Variants in RMND5B observed in about 807,000 individuals in gnomAD.
RMND5B encodes E3 ubiquitin-protein transferase RMND5B.
RMND5B carries 42 observed loss-of-function variants against 50.4 expected under a neutral mutation model. The ratio of observed to expected loss-of-function variants is 0.83; its 90% CI spans 0.65 to 1.08. The LOEUF (loss-of-function observed/expected upper bound fraction) is 1.08. Ranked by LOEUF, RMND5B falls within the 50% of genes least tolerant of loss-of-function variation. The probability of loss-of-function intolerance (pLI) is 0.00; values close to 1 mark genes in which losing one functional copy is unlikely to be tolerated. For missense variants in RMND5B, 463 were observed against 508.5 expected (o/e 0.91, Z 0.86); for synonymous variants, 220 against 210.0 (o/e 1.05, Z -0.41).
chr5:178,147,424 C>T, intron 8 of RMND5B, 109 bp from the exon 9 acceptor site: 1 of 763,908 alleles, frequency 1.3e-6, no homozygotes, highest in South Asian at 1.7e-5. Context: ...TTTGACCGTG[C>T]ACCATTTTAG....
chr5:178,145,355 G>A (rs752859427), intron 7 of RMND5B, among the ~76,000 whole-genome samples: 10 of 151,358 alleles, frequency 6.6e-5, no homozygotes, highest in Non-Finnish European at 1.5e-4. Context: ...GCGTGGTGGC[G>A]GGCACCTGTA....
chr5:178,136,563 G>A (rs1350401903), intron 2 of RMND5B, among the ~76,000 whole-genome samples: 1 of 152,150 alleles, frequency 6.6e-6, no homozygotes. Context: ...CTTGTTGCCT[G>A]TCAGGTTGGG....
Position 178,138,319 on chromosome 5 carries a change from A to G in RMND5B, c.139+61A>G. Reference sequence around the variant, plus strand: ...CTCCCTGAGGACATGGGAGACCCGAAGCTACTGAGTGACAGGGTTCCGGAA... The same window carrying G: ...CTCCCTGAGGACATGGGAGACCCGAGGCTACTGAGTGACAGGGTTCCGGAA... On this transcript the variant is annotated intron_variant, in intron 3 of 10. Transcript: ENST00000313386. This position sits in a 1 kb window ranked among gnomAD's most constrained non-coding sequence, Gnocchi z 5.1. 6.3e-7 allele frequency: 1 copy of G among 1,585,434 alleles called. No individual in the cohort carries two copies. Among genetic ancestry groups the G allele is most frequent in the Non-Finnish European group, 8.6e-7 (1 of 1,165,546 alleles).
chr5:178,139,231 G>A (rs1395940670), intron 3 of RMND5B, among the ~76,000 whole-genome samples: 1 of 149,622 alleles, frequency 6.7e-6, no homozygotes, highest in African/African-American at 2.5e-5. Context: ...TTTTGAGATG[G>A]AGTCTTACTG....
chr5:178,146,239 TC>T lies in RMND5B; in HGVS notation c.823del (p.Leu275CysfsTer24), dbSNP rs1231235204. 1.9e-6 allele frequency: 3 copies of T among 1,614,078 alleles called. No homozygotes were observed. The highest frequency in any genetic ancestry group is 2.5e-6 in the Non-Finnish European group (3 of 1,180,022). Reference protein sequence around the residue: ...ICETFTRDACSLLGLSVESPL... With the variant: ...ICETFTRDACXLLGLSVESPL... ...TGAGACCTTTACCCGGGACGCCTGT[TC>T]CCTGCTGGGGCTTTCTGTGGAGTCC... On this transcript the variant is annotated frameshift_variant, in exon 8 of 11. Transcript: ENST00000313386. LOFTEE classifies it high-confidence loss of function.
Position 178,148,440 on chromosome 5 carries a change from G to A in RMND5B, c.*408G>A, listed in dbSNP as rs1256047296. The stretch of plus-strand genomic sequence containing the variant: ...GCCCCTCGGCCCAAGAGTGTCCAGC[G>A]GTGGCCCACCTCTTCCTCCCACTAC... On this transcript the variant is annotated 3_prime_UTR_variant, in exon 11 of 11. Transcript: ENST00000313386. The A allele has an allele frequency of 5.2e-5, 14 of 269,098 alleles. No homozygotes were observed. Among genetic ancestry groups the A allele is most frequent in the African/African-American group, 1.8e-4 (8 of 45,390 alleles). 16.7% of individuals were successfully genotyped at this position (269,098 alleles called of 1,614,324 possible). A position where few individuals can be genotyped will look rare whatever the true frequency, so the allele number is the denominator to read the frequency against.
intron 7 of RMND5B, among the ~76,000 whole-genome samples, chr5:178,144,833 T>G (rs927987850): frequency 6.6e-6 from 1 of 151,826 alleles, no homozygotes; most frequent in Non-Finnish European, 1.5e-5. Flanking sequence ...CTTGGCAACA[T>G]GGGGAACCCC....
intron 7 of RMND5B, 85 bp from the exon 8 acceptor site, chr5:178,146,029 G>A: frequency 3.6e-6 from 5 of 1,395,930 alleles, no homozygotes; most frequent in Non-Finnish European, 4.9e-6. Context: ...AGCATATTGT[G>A]CTGTGCTGCA....
In RMND5B at chr5:178,148,220, G is replaced by A; in HGVS notation, c.*188G>A. On this transcript the variant is annotated 3_prime_UTR_variant, in exon 11 of 11. Transcript: ENST00000313386. ...GAGGGAGATGGACCAGCCCACGCCT[G>A]GCACCTGGCTCCATGGCATAAGGAA... The A allele has an allele frequency of 1.6e-6, 1 of 618,958 alleles. No homozygotes were observed. The highest frequency in any genetic ancestry group is 2.9e-6 in the Non-Finnish European group (1 of 348,064). 38.3% of individuals were successfully genotyped at this position (618,958 alleles called of 1,614,324 possible).
chr5:178,146,152 C>G lies in RMND5B; in HGVS notation c.733C>G (p.Leu245Val). The change falls in exon 8 of 11, where the codon CTG becomes GTG. Residue 245 changes from leucine (L) to valine (V), a missense_variant. Physicochemically the swap from Leu to Val is conservative, Grantham distance 32. Transcript: ENST00000313386. ...VMMGSLVYLR[L>V]GLEKSPYCHL... ...GATGGGCAGCCTGGTGTACCTGCGG[C>G]TGGGCTTGGAGAAGTCACCCTACTG... 6.2e-7 allele frequency: 1 copy of G among 1,614,174 alleles called. No individual in the cohort carries two copies. Among genetic ancestry groups the G allele is most frequent in the African/African-American group, 1.3e-5 (1 of 75,066 alleles).
Position 178,149,799 on chromosome 5 carries a change from C to T in RMND5B, c.*1767C>T, listed in dbSNP as rs121908090. ...TCCTCATGGGGCTTGACCATTATCA[C>T]ACAGGTGGGGCGCTTGGAGCCTGCG... On this transcript the variant is annotated 3_prime_UTR_variant, in exon 11 of 11. Coordinates refer to ENST00000313386, the MANE Select transcript of RMND5B (RefSeq NM_022762.5). 6.2e-7 allele frequency: 1 copy of T among 1,613,996 alleles called. No homozygotes were observed. The highest frequency in any genetic ancestry group is 8.5e-7 in the Non-Finnish European group (1 of 1,179,920).
chr5:178,133,915 G>A (rs1464385258), intron 2 of RMND5B, among the ~76,000 whole-genome samples: 23 of 152,030 alleles, frequency 1.5e-4, no homozygotes, highest in Admixed American at 1.0e-3. Context: ...GGGTTTCACC[G>A]TGTTAGCCAG....
At chr5:178,142,476 C>A in intron 3 of RMND5B, 107 bp from the exon 4 acceptor site, 1 of 1,296,928 alleles carries the variant, frequency 7.7e-7, no homozygotes, top group Non-Finnish European at 1.1e-6. Context: ...GCATTCAGGG[C>A]TGCCTCCTGG....
rs560237414 is a variant in RMND5B at position 178,147,722 on chromosome 5, T to C, written c.964-7T>C. 1.2e-4 allele frequency: 194 copies of C among 1,614,176 alleles called. 1 individual carries two copies. In the South Asian group the frequency reaches 2.1e-3, roughly 18 times the overall value. ...GTGGAACTCACCCGCTTCGCTGCCC[T>C]TCCCAGATTGAGATTGAACTAGGCA... On this transcript the variant is annotated splice_polypyrimidine_tract_variant and splice_region_variant and intron_variant, in intron 9 of 10. Coordinates refer to ENST00000313386, the MANE Select transcript of RMND5B (RefSeq NM_022762.5).
intron 7 of RMND5B, among the ~76,000 whole-genome samples, chr5:178,145,120 G>C (rs964774972): frequency 1.3e-5 from 2 of 152,022 alleles, no homozygotes; most frequent in African/African-American, 2.4e-5. Flanking sequence ...TGTGATCCCG[G>C]CTCACTGCAA....
At chr5:178,143,048 G>A in intron 5 of RMND5B, 56 bp downstream of exon 5, 1 of 1,562,878 alleles carries the variant, frequency 6.4e-7, no homozygotes, top group Non-Finnish European at 8.7e-7. Flanking sequence ...TCACCTGCTA[G>A]TTTTCACTGT....
At position 178,135,453 on chromosome 5, in the gene RMND5B, G is replaced by T. The variant is rs139715040; in HGVS notation, c.-12-2655G>T. 245 of 153,328 alleles carry T rather than the reference G, an allele frequency of 1.6e-3. 6 individuals are homozygous for T. In the East Asian group the frequency reaches 0.033, roughly 21 times the overall value. 9.5% of individuals were successfully genotyped at this position (153,328 alleles called of 1,614,324 possible). On this transcript the variant is annotated intron_variant, in intron 2 of 10. Coordinates refer to ENST00000313386, the MANE Select transcript of RMND5B (RefSeq NM_022762.5). ...GCATATACTTTTAATTTACATAAAT[G>T]GATTCTGCCTAGACCTCATTTTTTT...
chr5:178,146,306 A>AC (rs1756005455), intron 8 of RMND5B, 27 bp downstream of exon 8: 2 of 1,606,948 alleles, frequency 1.2e-6, no homozygotes, highest in South Asian at 2.2e-5. Flanking sequence ...TGAGGGCAGC[A>AC]CAGGTGGGAG....
In RMND5B at chr5:178,146,268, C is replaced by G. The variant is rs749058433; in HGVS notation, c.849C>G (p.Pro283=). Residue 283 remains proline (P), a synonymous_variant, in exon 8 of 11, where the codon CCC becomes CCG. Coordinates refer to ENST00000313386, the MANE Select transcript of RMND5B (RefSeq NM_022762.5). ...TGCTGGGGCTTTCTGTGGAGTCCCCCCTTAGCGTCAGGTACAACCCAGCCC... is the reference window on the plus strand; with the variant it reads ...TGCTGGGGCTTTCTGTGGAGTCCCCGCTTAGCGTCAGGTACAACCCAGCCC... ...CSLLGLSVES[P]LSVSFASGCV... 5 of 1,614,046 alleles carry G rather than the reference C, an allele frequency of 3.1e-6. No individual in the cohort carries two copies. Among genetic ancestry groups the G allele is most frequent in the Non-Finnish European group, 4.2e-6 (5 of 1,179,954 alleles).
Sources: allele counts gnomAD v4.1 joint callset (sites outside exome capture counted in the v4.1 genomes callset), GRCh38; gene constraint gnomAD v4.1.1; non-coding constraint Gnocchi (gnomAD v3.1); transcripts MANE v1.5; gene names NCBI Gene and HGNC (gene_info 2026-07-23, HGNC 2026-07-21).